The following IQSEC3 variants were observed in gnomAD, a reference collection of about 807,000 sequenced individuals.
IQSEC3 encodes IQ motif and Sec7 domain ArfGEF 3.
IQSEC3 carries 50 observed loss-of-function variants against 105.4 expected under a neutral mutation model. The ratio of observed to expected loss-of-function variants is 0.47; its 90% CI spans 0.38 to 0.60. IQSEC3 has a LOEUF of 0.60. Among genes scored for constraint, IQSEC3 ranks in the 20% least tolerant of loss-of-function variants. The pLI, the probability that IQSEC3 is intolerant of heterozygous loss-of-function variation, is 0.00. For synonymous variants in IQSEC3, 708 were observed against 746.0 expected (o/e 0.95, Z 0.83); for missense variants, 1,415 against 1,630.0 (o/e 0.87, Z 2.27).
chr12:165,956 GAGAC>G (rs1377432505), intron 11 of IQSEC3, 66 bp downstream of exon 11: 6 of 1,563,892 alleles, frequency 3.8e-6, no homozygotes, highest in Non-Finnish European at 5.2e-6. Context: ...GGGGCAGCTT[GAGAC>G]AGACATGCCT....
At chr12:154,967 C>A (rs563836633) in intron 5 of IQSEC3, among the ~76,000 whole-genome samples, 18 of 152,284 alleles carry the variant, frequency 1.2e-4, no homozygotes, top group African/African-American at 4.3e-4. Context: ...TGCTGCGTGA[C>A]CATGCTGGTT....
At chr12:91,780 C>CA (rs1299084542) in intron 1 of IQSEC3, among the ~76,000 whole-genome samples, 3 of 151,376 alleles carry the variant, frequency 2.0e-5, no homozygotes, top group Non-Finnish European at 4.4e-5. Flanking sequence ...GACCCTGTCT[C>CA]AAAAAAAAGA....
intron 2 of IQSEC3, among the ~76,000 whole-genome samples, chr12:124,241 T>C (rs1262942289): frequency 6.6e-6 from 1 of 151,676 alleles, no homozygotes; most frequent in African/African-American, 2.4e-5. Context: ...ACAAAAAAAT[T>C]AGCTGGGCGT....
chr12:132,058 A>C (rs1436910897), intron 3 of IQSEC3, among the ~76,000 whole-genome samples: 3 of 152,128 alleles, frequency 2.0e-5, no homozygotes, highest in African/African-American at 4.8e-5. Flanking sequence ...TTAGTGGAGG[A>C]GACTGAGTGT....
At chr12:98,920 A>T (rs1228616663) in intron 1 of IQSEC3, among the ~76,000 whole-genome samples, 3 of 152,212 alleles carry the variant, frequency 2.0e-5, no homozygotes, top group Admixed American at 6.5e-5. Context: ...CACAGGAGGT[A>T]GCATCTGAAT....
intron 5 of IQSEC3, among the ~76,000 whole-genome samples, chr12:149,480 G>A (rs374498375): frequency 2.0e-5 from 3 of 152,298 alleles, no homozygotes; most frequent in East Asian, 1.9e-4. Flanking sequence ...ACTTCCAAAG[G>A]CACAGGCCAC....
rs1555097087 is a variant in IQSEC3, at chr12:163,507, C to CCCA, written c.2600_2602dup (p.His867dup). 1 of 1,609,112 alleles carries CCCA rather than the reference C, an allele frequency of 6.2e-7. No homozygotes were observed. The highest frequency in any genetic ancestry group is 8.5e-7 in the Non-Finnish European group (1 of 1,177,912). ...GCCCGCGTGCAGGTGCTGTCCGTGC[C>CCCA]CCACCGCCGCCTGGTGTGCTGCAGC... On this transcript the variant is annotated inframe_insertion, in exon 9 of 14. Coordinates refer to ENST00000538872, the MANE Select transcript of IQSEC3 (RefSeq NM_001170738.2).
At position 141,113 on chromosome 12, in the gene IQSEC3, C is replaced by T. The variant is rs891832324; in HGVS notation, c.1992-11C>T. 5 of 1,584,706 alleles carry T rather than the reference C, an allele frequency of 3.2e-6. No homozygotes were observed. In the Admixed American group the frequency reaches 5.1e-5, roughly 16 times the overall value. On this transcript the variant is annotated splice_polypyrimidine_tract_variant and intron_variant, in intron 4 of 13. Coordinates refer to ENST00000538872, the MANE Select transcript of IQSEC3 (RefSeq NM_001170738.2). ...TCACTCTCTACTGCTTCTCCCCACC[C>T]CCACCTCCAGAAACCCCGACAAGGG... is the stretch of plus-strand genomic sequence containing the variant.
chr12:147,188 G>A (rs1300396716), intron 5 of IQSEC3, among the ~76,000 whole-genome samples: 4 of 152,150 alleles, frequency 2.6e-5, no homozygotes, highest in Admixed American at 6.5e-5. Context: ...CCACTCGGAC[G>A]TGGGCCTTCT....
intron 5 of IQSEC3, 56 bp downstream of exon 5, chr12:141,341 G>C: frequency 1.3e-6 from 2 of 1,562,878 alleles, no homozygotes; most frequent in Non-Finnish European, 1.8e-6. Context: ...CACCTGCCCG[G>C]GCTCTCTCTG....
At chr12:124,314 AGGAGGT>A (rs1447879820) in intron 2 of IQSEC3, among the ~76,000 whole-genome samples, 1 of 148,266 alleles carries the variant, frequency 6.7e-6, no homozygotes, top group Non-Finnish European at 1.5e-5. Flanking sequence ...ACTTGAATCC[AGGAGGT>A]GGAGGTTGCA....
intron 11 of IQSEC3, chr12:167,463 G>C (rs1938719838): frequency 6.6e-6 from 1 of 151,868 alleles, no homozygotes; most frequent in South Asian, 2.1e-4. Flanking sequence ...AAGGGTAAAA[G>C]AGCAGGAAGA....
intron 2 of IQSEC3, among the ~76,000 whole-genome samples, chr12:108,285 G>A (rs1243878360): frequency 6.6e-6 from 1 of 152,210 alleles, no homozygotes; most frequent in Non-Finnish European, 1.5e-5. Context: ...TCTTTCCAAA[G>A]GTGTGTACTA....
At chr12:99,589 C>T (rs1401181975) in intron 2 of IQSEC3, among the ~76,000 whole-genome samples, 3 of 152,270 alleles carry the variant, frequency 2.0e-5, no homozygotes, top group African/African-American at 7.2e-5. Context: ...ATGCCCAGTG[C>T]CCAGCCTTCC....
intron 2 of IQSEC3, among the ~76,000 whole-genome samples, chr12:119,782 C>T (rs10849572): frequency 6.6e-6 from 1 of 151,940 alleles, no homozygotes; most frequent in African/African-American, 2.4e-5. Flanking sequence ...TTGGTGCCTG[C>T]GTGTGGACAG....
intron 5 of IQSEC3, among the ~76,000 whole-genome samples, chr12:150,759 A>T (rs1412662445): frequency 6.6e-6 from 1 of 152,102 alleles, no homozygotes. Flanking sequence ...GGAGAAGAGG[A>T]AGTGGAGGCA....
intron 9 of IQSEC3, 113 bp downstream of exon 9, chr12:163,732 A>G: frequency 1.3e-6 from 1 of 753,666 alleles, no homozygotes; most frequent in Non-Finnish European, 2.3e-6. Context: ...GCTTTCAGAC[A>G]GAATGCCTGT....
At chr12:100,112 G>A (rs1864375304) in intron 2 of IQSEC3, among the ~76,000 whole-genome samples, 1 of 152,208 alleles carries the variant, frequency 6.6e-6, no homozygotes, top group African/African-American at 2.4e-5. Context: ...ATTTGGGCAA[G>A]TTACTCCACT....
At chr12:105,027 G>A (rs1334421669) in intron 2 of IQSEC3, among the ~76,000 whole-genome samples, 2 of 152,264 alleles carry the variant, frequency 1.3e-5, no homozygotes, top group South Asian at 2.1e-4. Flanking sequence ...GTGGCTTAGG[G>A]CGGCAGCGTG....
Sources: allele counts gnomAD v4.1 joint callset (sites outside exome capture counted in the v4.1 genomes callset), GRCh38; gene constraint gnomAD v4.1.1; transcripts MANE v1.5; gene names NCBI Gene and HGNC (gene_info 2026-07-23, HGNC 2026-07-21).